The following RNF175 variants were observed in gnomAD, a reference collection of about 807,000 sequenced individuals.
RNF175 encodes the protein ring finger protein 175.
In RNF175, 38 loss-of-function variants were observed where a neutral mutation model predicts 50.0. That is an observed-to-expected ratio of 0.76 (90% CI 0.59 to 1.00). The LOEUF (loss-of-function observed/expected upper bound fraction) is 1.00. Ranked by LOEUF, RNF175 falls within the 50% of genes least tolerant of loss-of-function variation. RNF175 has a pLI of 0.00. For synonymous variants in RNF175, 155 were observed against 146.1 expected (o/e 1.06, Z -0.44); for missense variants, 388 against 409.6 (o/e 0.95, Z 0.46).
intron 6 of RNF175, 30 bp downstream of exon 6, chr4:153,720,154 A>G (rs2127102211): frequency 6.2e-7 from 1 of 1,610,808 alleles, no homozygotes; most frequent in Non-Finnish European, 8.5e-7. Context: ...TGTGTCATAC[A>G]TGGTTTCAGA....
In RNF175 at chr4:153,729,615, G is replaced by A. The variant is rs551072592; in HGVS notation, c.247-1254C>T. 2.4e-5 allele frequency: 23 copies of A among 962,252 alleles called. No homozygotes were observed. The Admixed American group carries it at 3.1e-4, about 13-fold the overall frequency. The allele number at this position is 962,252 out of a possible 1,614,324, so 59.6% of individuals were successfully genotyped here. A position where few individuals can be genotyped will look rare whatever the true frequency, so the allele number is the denominator to read the frequency against. The stretch of plus-strand genomic sequence containing the variant: ...AGGACTTCAAGATAGAAATGAGAAA[G>A]GCAAGACCACAGCCATTCTTCTTTC... On this transcript the variant is annotated intron_variant, in intron 3 of 8. Coordinates refer to ENST00000347063, the MANE Select transcript of RNF175 (RefSeq NM_173662.4).
At chr4:153,717,291 T>G (rs535553628) in intron 6 of RNF175, among the ~76,000 whole-genome samples, 1 of 152,318 alleles carries the variant, frequency 6.6e-6, no homozygotes, top group East Asian at 1.9e-4. Context: ...TTTTAGCATT[T>G]TCTTGCTTTT....
chr4:153,729,287 T>C (rs1265117671), intron 3 of RNF175, among the ~76,000 whole-genome samples: 1 of 152,236 alleles, frequency 6.6e-6, no homozygotes, highest in Non-Finnish European at 1.5e-5. Flanking sequence ...CGTTAACTAA[T>C]TTTTAGTGGT....
At chr4:153,744,671 C>G (rs1469579362) in intron 3 of RNF175, among the ~76,000 whole-genome samples, 1 of 152,146 alleles carries the variant, frequency 6.6e-6, no homozygotes, top group Non-Finnish European at 1.5e-5. Context: ...TACATGAGGA[C>G]TCTAGAAATT....
At chr4:153,750,510 AC>A (rs1378655945) in intron 2 of RNF175, among the ~76,000 whole-genome samples, 1 of 152,232 alleles carries the variant, frequency 6.6e-6, no homozygotes, top group Non-Finnish European at 1.5e-5. Context: ...GCTGGAAGTT[AC>A]CATAGATGGA....
intron 3 of RNF175, among the ~76,000 whole-genome samples, chr4:153,743,349 CCA>C (rs979738596): frequency 2.0e-5 from 3 of 152,154 alleles, no homozygotes; most frequent in Admixed American, 6.5e-5. Context: ...TCATCTTGAG[CCA>C]CAGATTGAGT....
At chr4:153,756,430 T>C (rs1740568032) in intron 1 of RNF175, among the ~76,000 whole-genome samples, 1 of 152,054 alleles carries the variant, frequency 6.6e-6, no homozygotes, top group Admixed American at 6.6e-5. Flanking sequence ...CCCATCTCAG[T>C]TAATAGCATC....
At chr4:153,727,676 T>C (rs1472787819) in intron 4 of RNF175, 1 of 152,258 alleles carries the variant, frequency 6.6e-6, no homozygotes, top group African/African-American at 2.4e-5. Context: ...ATAAGCACTT[T>C]GGAAGGATTT....
At chr4:153,748,850 CA>C in intron 2 of RNF175, 64 bp from the exon 3 acceptor site, 1 of 990,460 alleles carries the variant, frequency 1.0e-6, no homozygotes, top group Admixed American at 3.3e-5. Flanking sequence ...GCAAAAAAAA[CA>C]AAAAACAAAA....
chr4:153,728,586 C>T (rs957516951), intron 3 of RNF175, among the ~76,000 whole-genome samples: 4 of 152,116 alleles, frequency 2.6e-5, no homozygotes, highest in Admixed American at 2.6e-4. Flanking sequence ...TCCAAAATAC[C>T]CGCCCTCTGT....
chr4:153,726,869 G>T (rs1312635791), intron 4 of RNF175, among the ~76,000 whole-genome samples: 1 of 152,196 alleles, frequency 6.6e-6, no homozygotes, highest in Admixed American at 6.5e-5. Context: ...CTAGGGCTTG[G>T]AGTTGTGCAG....
intron 5 of RNF175, 90 bp downstream of exon 5, chr4:153,723,261 G>T: frequency 1.5e-6 from 1 of 674,154 alleles, no homozygotes; most frequent in Non-Finnish European, 2.7e-6. Context: ...AAATTGTAGG[G>T]CCAGATGCTT....
At chr4:153,745,237 G>C (rs753522468) in intron 3 of RNF175, among the ~76,000 whole-genome samples, 1 of 152,198 alleles carries the variant, frequency 6.6e-6, no homozygotes, top group African/African-American at 2.4e-5. Flanking sequence ...CCAGCACCAT[G>C]AGGGAACTTG....
At chr4:153,712,130 C>T (rs1262567504) in intron 8 of RNF175, among the ~76,000 whole-genome samples, 10 of 152,198 alleles carry the variant, frequency 6.6e-5, no homozygotes, top group Non-Finnish European at 1.5e-4. Flanking sequence ...TATCTACCCA[C>T]CCATCCAGTT....
In RNF175 at chr4:153,715,473, A is replaced by G. The variant is rs957804170; in HGVS notation, c.764+56T>C. 4.9e-5 allele frequency: 74 copies of G among 1,509,202 alleles called. No homozygotes were observed. The Middle Eastern group carries it at 6.7e-4, about 14-fold the overall frequency. The allele number at this position is 1,509,202 out of a possible 1,614,324, so 93.5% of individuals were successfully genotyped here. On this transcript the variant is annotated intron_variant, in intron 7 of 8. Coordinates refer to ENST00000347063, the MANE Select transcript of RNF175 (RefSeq NM_173662.4). ...ATGGGGACAGGAGGAGGAGGAGGAGAAGGAGGAAAGAAGGAGGCTTGATGA... is the reference window on the plus strand; with the variant it reads ...ATGGGGACAGGAGGAGGAGGAGGAGGAGGAGGAAAGAAGGAGGCTTGATGA...
intron 1 of RNF175, among the ~76,000 whole-genome samples, chr4:153,754,677 C>T (rs1186620485): frequency 1.3e-5 from 2 of 152,180 alleles, no homozygotes; most frequent in Non-Finnish European, 2.9e-5. Context: ...GTCCTAAATC[C>T]AATGCCTAGT....
chr4:153,716,459 T>C (rs1435115557), intron 6 of RNF175, among the ~76,000 whole-genome samples: 1 of 152,218 alleles, frequency 6.6e-6, no homozygotes, highest in African/African-American at 2.4e-5. Context: ...TAGAAGGCAA[T>C]GCATTTAGAA....
intron 3 of RNF175, among the ~76,000 whole-genome samples, chr4:153,731,382 T>C (rs1739023762): frequency 6.6e-6 from 1 of 152,212 alleles, no homozygotes; most frequent in Non-Finnish European, 1.5e-5. Flanking sequence ...GGTCACCATC[T>C]GGGCATGTGT....
chr4:153,723,439 G>T lies in RNF175; in HGVS notation c.421C>A (p.Leu141Ile), dbSNP rs1460015062. ...GCATAGCTGAGTTTGTAGATCAAAA[G>T]AAACCATTTGTAGACCAATCTGTGG... is the stretch of plus-strand genomic sequence containing the variant. Reference protein sequence around the residue: ...RTPRLVYKWFLLIYKLSYAFG... With the variant: ...RTPRLVYKWFILIYKLSYAFG... The change falls in exon 5 of 9, where the codon CTT (leucine) becomes ATT (isoleucine). Residue 141 changes from leucine (L) to isoleucine (I), a missense_variant. Leu to Ile is a conservative substitution (Grantham distance 5). Coordinates refer to ENST00000347063, the MANE Select transcript of RNF175 (RefSeq NM_173662.4). 3 of 1,595,360 alleles carry T rather than the reference G, an allele frequency of 1.9e-6. No individual in the cohort carries two copies. In the African/African-American group the frequency reaches 4.0e-5, roughly 21 times the overall value.
Sources: allele counts gnomAD v4.1 joint callset (sites outside exome capture counted in the v4.1 genomes callset), GRCh38; gene constraint gnomAD v4.1.1; transcripts MANE v1.5; gene names NCBI Gene and HGNC (gene_info 2026-07-23, HGNC 2026-07-21).